Variants in OMD observed in about 807,000 individuals in gnomAD.
OMD encodes the protein osteomodulin.
OMD carries 19 observed loss-of-function variants against 31.2 expected under a neutral mutation model. That is an observed-to-expected ratio of 0.61 (90% CI 0.42 to 0.89). The LOEUF (loss-of-function observed/expected upper bound fraction) is 0.89. Ranked by LOEUF, OMD falls within the 40% of genes least tolerant of loss-of-function variation. The pLI is 0.00. For missense variants in OMD, 448 were observed against 490.8 expected, an observed-to-expected ratio of 0.91 and a Z score of 0.82; for synonymous variants, 155 against 166.4, an observed-to-expected ratio of 0.93 and a Z score of 0.53.
chr9:92,423,021 A>ATGAT (rs3996296), intron 1 of OMD, among the ~76,000 whole-genome samples: 67,083 of 151,656 alleles, frequency 0.44, 17,036 homozygotes, highest in African/African-American at 0.7. Context: ...TGTTGAATGA[A>ATGAT]TAAGTTAATA....
intron 2 of OMD, among the ~76,000 whole-genome samples, chr9:92,416,023 T>C (rs1843586342): frequency 1.4e-5 from 2 of 140,074 alleles, no homozygotes; most frequent in South Asian, 4.6e-4. Context: ...AGAATATATA[T>C]TTTTTATATA....
In OMD at chr9:92,415,253, C is replaced by G; in HGVS notation, c.1165G>C (p.Glu389Gln). 1 of 1,612,018 alleles carries G rather than the reference C, an allele frequency of 6.2e-7. No homozygotes were observed. The change falls in exon 3 of 3, where the codon GAA becomes CAA. Residue 389 changes from glutamate (E) to glutamine (Q), a missense_variant. Physicochemically the swap from Glu to Gln is conservative, Grantham distance 29. Coordinates refer to ENST00000375550, the MANE Select transcript of OMD (RefSeq NM_005014.3). ...VFRRFPDDDD[E>Q]SEDHDDPDNA... ...TCAGGATCATCGTGATCTTCACTTT[C>G]ATCATCATCATCTGGAAATCTCCTG...
Position 92,412,918 on chromosome 9 carries a change from T to C in OMD, c.*2234A>G, listed in dbSNP as rs1843483818. Among the ~76,000 whole-genome samples, 1 of 151,896 alleles carries C rather than the reference T, an allele frequency of 6.6e-6. No homozygotes were observed. The highest frequency in any genetic ancestry group is 2.4e-5 in the African/African-American group (1 of 41,352). On this transcript the variant is annotated 3_prime_UTR_variant, in exon 3 of 3. Coordinates refer to ENST00000375550, the MANE Select transcript of OMD (RefSeq NM_005014.3). ...GCAAATTTTGGTGTGAACATGTGTG[T>C]TCAGTTCTATTGGGTATATAGTTAG...
chr9:92,419,416 T>C (rs1843719097), intron 1 of OMD, among the ~76,000 whole-genome samples: 1 of 150,132 alleles, frequency 6.7e-6, no homozygotes, highest in African/African-American at 2.4e-5. Context: ...TTCTCCTGCC[T>C]CAGCCTCCCC....
In OMD at chr9:92,412,513, T is replaced by TC. The variant is rs79630431; in HGVS notation, c.*2638dup. ...ACCCATTAGCAGTTACTTCTCACTT[T>TC]CCCCATTCCCATGATCCCCAGCTCT... On this transcript the variant is annotated 3_prime_UTR_variant, in exon 3 of 3. Coordinates refer to ENST00000375550, the MANE Select transcript of OMD (RefSeq NM_005014.3). 0.036 allele frequency among the ~76,000 whole-genome samples: 5,412 copies of TC among 152,304 alleles called. 129 individuals carry two copies. Among genetic ancestry groups the TC allele is most frequent in the South Asian group, 0.086 (413 of 4,830 alleles).
Position 92,415,123 on chromosome 9 carries a change from T to A in OMD, c.*29A>T, listed in dbSNP as rs1206255953. On this transcript the variant is annotated 3_prime_UTR_variant, in exon 3 of 3. Transcript: ENST00000375550. ...TATATTAAGTATAGGTTTTGTGAAG[T>A]CGTAAGTGTATACCTATATAGTTTC... is the stretch of plus-strand genomic sequence containing the variant. The A allele has an allele frequency of 8.6e-6, 13 of 1,519,028 alleles. No homozygotes were observed. The East Asian group carries it at 2.9e-4, about 34-fold the overall frequency. The allele number at this position is 1,519,028 out of a possible 1,614,324, so 94.1% of individuals were successfully genotyped here.
At chr9:92,418,181 G>A (rs1487792238) in intron 1 of OMD, among the ~76,000 whole-genome samples, 7 of 151,538 alleles carry the variant, frequency 4.6e-5, no homozygotes, top group Admixed American at 1.3e-4. Context: ...CCACCTCCCC[G>A]GTTCAAGTGA....
intron 1 of OMD, among the ~76,000 whole-genome samples, chr9:92,419,621 C>T (rs927746485): frequency 6.6e-6 from 1 of 152,154 alleles, no homozygotes; most frequent in African/African-American, 2.4e-5. Context: ...ATCTTGCCTG[C>T]TTATCCGCCT....
At position 92,414,912 on chromosome 9, in the gene OMD, C is replaced by T. The variant is rs1157174686; in HGVS notation, c.*240G>A. On this transcript the variant is annotated 3_prime_UTR_variant, in exon 3 of 3. Coordinates refer to ENST00000375550, the MANE Select transcript of OMD (RefSeq NM_005014.3). ...TAAAAAGAGCATAAGAAACCATTAA[C>T]GTTTAATTTATGATTCCCACTTGTC... 3.4e-5 allele frequency: 11 copies of T among 320,632 alleles called. No homozygotes were observed. Among genetic ancestry groups the T allele is most frequent in the East Asian group, 3.4e-4 (7 of 20,786 alleles). 19.9% of individuals were successfully genotyped at this position (320,632 alleles called of 1,614,324 possible).
intron 2 of OMD, among the ~76,000 whole-genome samples, chr9:92,416,099 T>TATATATATATATATA (rs1843601377): frequency 7.5e-6 from 1 of 132,850 alleles, no homozygotes; most frequent in African/African-American, 2.8e-5. Flanking sequence ...TATTTATTTA[T>TATATATATATATATA]TTTATTTTTT....
intron 2 of OMD, among the ~76,000 whole-genome samples, chr9:92,416,068 A>ATATATATTTATT (rs1275784821): frequency 7.3e-6 from 1 of 137,008 alleles, no homozygotes; most frequent in African/African-American, 2.6e-5. Flanking sequence ...GTATATATAT[A>ATATATATTTATT]TATTTATTTA....
At chr9:92,421,189 G>A (rs989005868) in intron 1 of OMD, among the ~76,000 whole-genome samples, 18 of 152,144 alleles carry the variant, frequency 1.2e-4, no homozygotes, top group African/African-American at 3.6e-4. Context: ...ACAGATGCGT[G>A]CCACCACACC....
rs1019532920 is a variant in OMD, at chr9:92,414,064, G to A, written c.*1088C>T. Among the ~76,000 whole-genome samples the A allele has an allele frequency of 3.3e-5, 5 of 152,090 alleles. No homozygotes were observed. Among genetic ancestry groups the A allele is most frequent in the African/African-American group, 1.2e-4 (5 of 41,418 alleles). The stretch of plus-strand genomic sequence containing the variant: ...GAAACATTAGCATGGTATATCAAGA[G>A]AGTTCATCACAGCAGTTAGATAATC... On this transcript the variant is annotated 3_prime_UTR_variant, in exon 3 of 3. Coordinates refer to ENST00000375550, the MANE Select transcript of OMD (RefSeq NM_005014.3).
In OMD at chr9:92,416,392, A is replaced by G. The variant is rs562891149; in HGVS notation, c.940+227T>C. 3.4e-4 allele frequency among the ~76,000 whole-genome samples: 51 copies of G among 152,226 alleles called. No homozygotes were observed. In the South Asian group the frequency reaches 0.01, roughly 31 times the overall value. On this transcript the variant is annotated intron_variant, in intron 2 of 2. Coordinates refer to ENST00000375550, the MANE Select transcript of OMD (RefSeq NM_005014.3). ...AGTGCTCTGATTACAGGCATGAGCC[A>G]CCACGCCCAGCCTATTTCTCAATAT...
chr9:92,416,512 C>T (rs1843617081), intron 2 of OMD, 107 bp downstream of exon 2: 1 of 718,506 alleles, frequency 1.4e-6, no homozygotes. Flanking sequence ...AACTTCAAAA[C>T]AACTATTTTC....
At position 92,414,545 on chromosome 9, in the gene OMD, T is replaced by G. The variant is rs1843531084; in HGVS notation, c.*607A>C. On this transcript the variant is annotated 3_prime_UTR_variant, in exon 3 of 3. Coordinates refer to ENST00000375550, the MANE Select transcript of OMD (RefSeq NM_005014.3). ...AAGATTAGTTAATTTTGTGAATCTG[T>G]ATGCCTTGGGTCCTTAGTACCTGGA... 1.4e-5 allele frequency: 3 copies of G among 209,536 alleles called. No homozygotes were observed. In the South Asian group the frequency reaches 5.6e-4, roughly 39 times the overall value. The allele number at this position is 209,536 out of a possible 1,614,324, so 13.0% of individuals were successfully genotyped here.
chr9:92,415,653 T>G (rs1843570307), intron 2 of OMD, among the ~76,000 whole-genome samples, 176 bp from the exon 3 acceptor site: 1 of 150,614 alleles, frequency 6.6e-6, no homozygotes, highest in South Asian at 2.1e-4. Context: ...AATTAAATTA[T>G]GAGTTTTATA....
rs745530765 is a variant in OMD at position 92,417,489 on chromosome 9, T to C, written c.70A>G (p.Thr24Ala). The C allele has an allele frequency of 7.4e-6, 12 of 1,613,798 alleles. No homozygotes were observed. The highest frequency in any genetic ancestry group is 2.7e-5 in the African/African-American group (2 of 74,976). The stretch of plus-strand genomic sequence containing the variant: ...TCATAGTCTTCATCCCACTGATAAG[T>C]TTCATATTGGCAATGTACTTTGACT... ...FGVKVHCQYE[T>A]YQWDEDYDQE... The change falls in exon 2 of 3, where the codon ACT (threonine) becomes GCT (alanine). Residue 24 changes from threonine to alanine, a missense_variant. Coordinates refer to ENST00000375550, the MANE Select transcript of OMD (RefSeq NM_005014.3).
rs1166774580 is a variant in OMD at position 92,414,949 on chromosome 9, T to C, written c.*203A>G. 8.1e-6 allele frequency: 3 copies of C among 372,108 alleles called. No homozygotes were observed. The highest frequency in any genetic ancestry group is 1.4e-5 in the Non-Finnish European group (3 of 211,042). 23.1% of individuals were successfully genotyped at this position (372,108 alleles called of 1,614,324 possible). On this transcript the variant is annotated 3_prime_UTR_variant, in exon 3 of 3. Transcript: ENST00000375550. ...GATTCCCACTTGTCATTCTAATTTA[T>C]ATTTTTAAAGATTTACATTATTTTG...
Sources: gnomAD v4.1 joint callset for allele counts (sites outside exome capture counted in the v4.1 genomes callset) on GRCh38, gnomAD v4.1.1 for gene constraint, MANE v1.5 for transcripts, NCBI Gene and HGNC (gene_info 2026-07-23, HGNC 2026-07-21) for gene names.